SORL1: variants seen among roughly 807,000 people sequenced by gnomAD.
SORL1 encodes the protein sortilin related receptor 1.
In SORL1, 127 loss-of-function variants were observed where a neutral mutation model predicts 273.7. The ratio of observed to expected loss-of-function variants is 0.46; its 90% confidence interval spans 0.40 to 0.54. SORL1 has a LOEUF of 0.54. Among genes scored for constraint, SORL1 ranks in the 20% least tolerant of loss-of-function variants. The probability of loss-of-function intolerance (pLI) is 0.00; values close to 1 mark genes in which losing one functional copy is unlikely to be tolerated. For missense variants in SORL1, 2,494 were observed against 2,846.1 expected, an observed-to-expected ratio of 0.88 and a Z score of 2.81; for synonymous variants, 1,031 against 1,067.4, an observed-to-expected ratio of 0.97 and a Z score of 0.66.
intron 22 of SORL1, among the ~76,000 whole-genome samples, chr11:121,567,587 G>A (rs1177105522): frequency 6.6e-6 from 1 of 152,214 alleles, no homozygotes; most frequent in Admixed American, 6.5e-5. Context: ...AGCCCAGTGT[G>A]TCCTGAACTT....
chr11:121,552,383 G>A (rs1340665758), intron 16 of SORL1, among the ~76,000 whole-genome samples: 1 of 152,192 alleles, frequency 6.6e-6, no homozygotes, highest in Non-Finnish European at 1.5e-5. Flanking sequence ...GCCGCATGCT[G>A]CTCTGAACAT....
intron 36 of SORL1, 111 bp from the exon 37 acceptor site, chr11:121,607,075 A>G: frequency 2.0e-6 from 2 of 1,008,796 alleles, no homozygotes; most frequent in Non-Finnish European, 3.1e-6. Context: ...CCCATCCGTC[A>G]GAACATTTTG....
chr11:121,605,437 C>A lies in SORL1; in HGVS notation c.4814C>A (p.Thr1605Asn). ...VGESIWKTLE[T>N]HSNKTNTVLK... ...GAGAGCATATGGAAGACTCTGGAGACCCACAGCAATAAGACAAACACTGTA... is the reference window on the plus strand; with the variant it reads ...GAGAGCATATGGAAGACTCTGGAGAACCACAGCAATAAGACAAACACTGTA... The change falls in exon 35 of 48, where the codon ACC becomes AAC. Residue 1605 changes from threonine (T) to asparagine (N), a missense_variant. Physicochemically the swap from Thr to Asn is moderately conservative, Grantham distance 65 (BLOSUM62 0). Transcript: ENST00000260197. The A allele has an allele frequency of 1.2e-6, 2 of 1,613,788 alleles. No individual in the cohort carries two copies. Among genetic ancestry groups the A allele is most frequent in the African/African-American group, 1.3e-5 (1 of 74,998 alleles).
At chr11:121,605,282 A>T (rs199534636) in intron 34 of SORL1, 43 bp downstream of exon 34, 2 of 1,595,224 alleles carry the variant, frequency 1.3e-6, no homozygotes, top group African/African-American at 2.7e-5. Context: ...TGATGTCTTC[A>T]TTGCCCCAGG....
intron 35 of SORL1, 102 bp from the exon 36 acceptor site, chr11:121,606,743 C>A (rs1863479582): frequency 3.9e-6 from 3 of 765,088 alleles, no homozygotes; most frequent in Admixed American, 2.0e-5. Flanking sequence ...AGTCTCAATG[C>A]CGGCTGTGGA....
chr11:121,510,259 T>A (rs1861856328), intron 6 of SORL1, among the ~76,000 whole-genome samples: 1 of 152,222 alleles, frequency 6.6e-6, no homozygotes, highest in Non-Finnish European at 1.5e-5. Context: ...TTAAATTGCC[T>A]CTGTCAGTTT....
intron 1 of SORL1, among the ~76,000 whole-genome samples, chr11:121,462,624 G>A (rs911597446): frequency 1.3e-5 from 2 of 151,988 alleles, no homozygotes; most frequent in African/African-American, 2.4e-5. Context: ...TAGCTCTGTC[G>A]CCCAGGCTGG....
chr11:121,496,812 A>G (rs1861635621), intron 5 of SORL1, 57 bp from the exon 6 acceptor site: 1 of 1,478,512 alleles, frequency 6.8e-7, no homozygotes, highest in African/African-American at 1.4e-5. Flanking sequence ...CAAAACTTCC[A>G]TGCCTCTAGT....
intron 12 of SORL1, among the ~76,000 whole-genome samples, chr11:121,534,234 G>A (rs1178773316): frequency 6.6e-6 from 1 of 152,124 alleles, no homozygotes; most frequent in East Asian, 1.9e-4. Context: ...TTCTCGATTT[G>A]CCTTGTTTAA....
chr11:121,465,429 C>T (rs1861067260), intron 1 of SORL1, among the ~76,000 whole-genome samples: 1 of 152,190 alleles, frequency 6.6e-6, no homozygotes, highest in Non-Finnish European at 1.5e-5. Context: ...TTTCTAGCTA[C>T]CGTCATTTAG....
chr11:121,494,944 C>T (rs1336265533), intron 5 of SORL1, among the ~76,000 whole-genome samples: 1 of 152,188 alleles, frequency 6.6e-6, no homozygotes, highest in African/African-American at 2.4e-5. Flanking sequence ...ACCACCCGCC[C>T]ACACATGCAC....
At chr11:121,485,063 G>A (rs569073450) in intron 3 of SORL1, among the ~76,000 whole-genome samples, 14 of 152,180 alleles carry the variant, frequency 9.2e-5, no homozygotes, top group Non-Finnish European at 2.1e-4. Flanking sequence ...CCCCATGCTT[G>A]TTCTTAAGGG....
chr11:121,614,846 G>A (rs1863616520), intron 40 of SORL1, 25 bp from the exon 41 acceptor site: 2 of 1,604,568 alleles, frequency 1.2e-6, no homozygotes, highest in Non-Finnish European at 1.7e-6. Context: ...CTTCCTCCTG[G>A]AATCTCCTTT....
At chr11:121,477,650 C>T (rs1861295314) in intron 2 of SORL1, among the ~76,000 whole-genome samples, 2 of 152,176 alleles carry the variant, frequency 1.3e-5, no homozygotes, top group Non-Finnish European at 2.9e-5. Context: ...CCTGCCTCAC[C>T]TTTGTGTGTT....
At chr11:121,518,468 G>A (rs910831445) in intron 8 of SORL1, among the ~76,000 whole-genome samples, 31 of 152,200 alleles carry the variant, frequency 2.0e-4, no homozygotes, top group African/African-American at 7.2e-4. Context: ...CCAGGAATCC[G>A]ACTCGGGAAA....
intron 38 of SORL1, chr11:121,609,868 G>A (rs1223178981): frequency 1.3e-5 from 2 of 152,182 alleles, no homozygotes; most frequent in Non-Finnish European, 2.9e-5. Context: ...TATGAGATAA[G>A]TATCCTTATC....
At chr11:121,624,361 C>T (rs1863764614) in intron 45 of SORL1, among the ~76,000 whole-genome samples, 1 of 152,160 alleles carries the variant, frequency 6.6e-6, no homozygotes, top group Non-Finnish European at 1.5e-5. Flanking sequence ...TGGGGATCAG[C>T]AGAGAAGTCA....
chr11:121,469,890 C>A, intron 1 of SORL1, 117 bp from the exon 2 acceptor site: 1 of 798,692 alleles, frequency 1.3e-6, no homozygotes, highest in Non-Finnish European at 2.2e-6. Flanking sequence ...GGCCCAAATG[C>A]TTTAGATGGC....
chr11:121,496,394 G>A (rs973136818), intron 5 of SORL1, among the ~76,000 whole-genome samples: 1 of 152,210 alleles, frequency 6.6e-6, no homozygotes, highest in Non-Finnish European at 1.5e-5. Flanking sequence ...AGGGGACAGG[G>A]CAGAGACAGG....
Sources: gnomAD v4.1 joint callset for allele counts (sites outside exome capture counted in the v4.1 genomes callset) on GRCh38, gnomAD v4.1.1 for gene constraint, MANE v1.5 for transcripts, NCBI Gene and HGNC (gene_info 2026-07-23, HGNC 2026-07-21) for gene names.